Variants in PPP1R16B observed in about 807,000 individuals in gnomAD.
PPP1R16B encodes protein phosphatase 1 regulatory inhibitor subunit 16B.
Under a neutral mutation model 61.7 loss-of-function variants are expected in PPP1R16B, and 14 were observed. The ratio of observed to expected loss-of-function variants is 0.23; its 90% CI spans 0.15 to 0.35. The LOEUF is 0.35. Ranked by LOEUF, PPP1R16B falls within the 10% of genes least tolerant of loss-of-function variation. The pLI is 1.00. For missense variants in PPP1R16B, 547 were observed against 752.5 expected (o/e 0.73, Z 3.19); for synonymous variants, 266 against 305.3 (o/e 0.87, Z 1.34).
At chr20:38,849,586 A>C (rs1448479506) in intron 2 of PPP1R16B, among the ~76,000 whole-genome samples, 3 of 151,966 alleles carry the variant, frequency 2.0e-5, no homozygotes, top group Non-Finnish European at 4.4e-5. Flanking sequence ...CTGTTGACTC[A>C]TATTGAATTT....
At chr20:38,903,082 T>A (rs1473924720) in intron 6 of PPP1R16B, among the ~76,000 whole-genome samples, 1 of 152,146 alleles carries the variant, frequency 6.6e-6, no homozygotes, top group Non-Finnish European at 1.5e-5. Flanking sequence ...TGAGTTTGAG[T>A]TGTGATTGCA....
At chr20:38,830,826 G>A (rs1228056181) in intron 1 of PPP1R16B, among the ~76,000 whole-genome samples, 1 of 152,176 alleles carries the variant, frequency 6.6e-6, no homozygotes, top group Non-Finnish European at 1.5e-5. Context: ...TCCACACTTA[G>A]GGAAGCACTT....
At chr20:38,899,828 G>T (rs948314908) in intron 4 of PPP1R16B, among the ~76,000 whole-genome samples, 1 of 150,578 alleles carries the variant, frequency 6.6e-6, no homozygotes, top group Non-Finnish European at 1.5e-5. Flanking sequence ...CTCTAGTCTT[G>T]CTCTATCACC....
intron 3 of PPP1R16B, among the ~76,000 whole-genome samples, chr20:38,893,321 G>A (rs2085305395): frequency 1.3e-5 from 2 of 152,190 alleles, no homozygotes; most frequent in South Asian, 4.1e-4. Context: ...GGCACATTAA[G>A]AAGAGCTTCC....
intron 2 of PPP1R16B, among the ~76,000 whole-genome samples, chr20:38,879,325 G>A (rs2145751437): frequency 6.6e-6 from 1 of 152,272 alleles, no homozygotes; most frequent in East Asian, 1.9e-4. Flanking sequence ...CTTTGGTGGA[G>A]AAATCTTACA....
At chr20:38,883,254 G>A (rs1474472695) in intron 2 of PPP1R16B, among the ~76,000 whole-genome samples, 1 of 152,238 alleles carries the variant, frequency 6.6e-6, no homozygotes, top group African/African-American at 2.4e-5. Flanking sequence ...CCCAGAGGAG[G>A]AGCAGGAGCC....
At chr20:38,817,222 G>A (rs1199813291) in intron 1 of PPP1R16B, among the ~76,000 whole-genome samples, 2 of 152,186 alleles carry the variant, frequency 1.3e-5, no homozygotes, top group African/African-American at 4.8e-5. Context: ...AGAGTGGAAC[G>A]AAGACTGTTT....
At chr20:38,867,064 G>A (rs918042661) in intron 2 of PPP1R16B, among the ~76,000 whole-genome samples, 1 of 152,130 alleles carries the variant, frequency 6.6e-6, no homozygotes, top group Admixed American at 6.5e-5. Flanking sequence ...GTTCATCCAC[G>A]CTGTAGCATG....
chr20:38,864,650 G>A (rs2085077954), intron 2 of PPP1R16B, among the ~76,000 whole-genome samples: 1 of 152,120 alleles, frequency 6.6e-6, no homozygotes, highest in African/African-American at 2.4e-5. Flanking sequence ...ACCAGAGGTC[G>A]GACTTCATGT....
chr20:38,892,128 T>C (rs140129734), intron 3 of PPP1R16B, among the ~76,000 whole-genome samples: 28 of 152,336 alleles, frequency 1.8e-4, no homozygotes, highest in Non-Finnish European at 1.5e-4. Context: ...CAAGGCAGTC[T>C]TAACTGCTCT....
chr20:38,835,554 G>T (rs2084863888), intron 1 of PPP1R16B, among the ~76,000 whole-genome samples: 1 of 152,214 alleles, frequency 6.6e-6, no homozygotes, highest in African/African-American at 2.4e-5. Context: ...CACTTGAAAT[G>T]TGGATAGTGC....
chr20:38,906,957 T>A lies in PPP1R16B; in HGVS notation c.823-22T>A, dbSNP rs772845237. On this transcript the variant is annotated intron_variant, in intron 7 of 10. Coordinates refer to ENST00000299824, the MANE Select transcript of PPP1R16B (RefSeq NM_015568.4). ...TCTGAGCTCTGGGCAGGGGGACACA[T>A]GAGCTTCTTCCTGTGTTTCAGATGC... 10 of 1,605,074 alleles carry A rather than the reference T, an allele frequency of 6.2e-6. No homozygotes were observed. The East Asian group carries it at 2.2e-4, about 36-fold the overall frequency.
intron 2 of PPP1R16B, among the ~76,000 whole-genome samples, chr20:38,855,375 C>A (rs984235255): frequency 2.6e-5 from 4 of 151,464 alleles, no homozygotes; most frequent in Non-Finnish European, 5.9e-5. Context: ...AAAAACAAAA[C>A]CCTAGGATAC....
chr20:38,878,684 A>G (rs959496893), intron 2 of PPP1R16B, among the ~76,000 whole-genome samples: 5 of 152,212 alleles, frequency 3.3e-5, no homozygotes, highest in African/African-American at 9.7e-5. Context: ...GATCTGGGAT[A>G]ATACATGTAA....
At chr20:38,896,120 TTTCTTCCCTTCCTCCCTCCTTTC>T (rs1230728927) in intron 4 of PPP1R16B, among the ~76,000 whole-genome samples, 11,674 of 111,446 alleles carry the variant, frequency 0.1, 917 homozygotes, top group East Asian at 0.24. Context: ...CCCTTCCTTC[TTTCTTCCCTTCCTCCCTCCTTTC>T]CTTCTTTCTT....
At chr20:38,810,733 T>G (rs765083664) in intron 1 of PPP1R16B, among the ~76,000 whole-genome samples, 10 of 152,172 alleles carry the variant, frequency 6.6e-5, no homozygotes, top group African/African-American at 1.4e-4. Context: ...CATTGAATTC[T>G]CATACCAATC....
At chr20:38,879,223 G>C (rs902655789) in intron 2 of PPP1R16B, among the ~76,000 whole-genome samples, 1 of 152,146 alleles carries the variant, frequency 6.6e-6, no homozygotes, top group Non-Finnish European at 1.5e-5. Context: ...CTTGCCTTCA[G>C]TCTCTGAGAT....
At chr20:38,820,194 G>T (rs1363936437) in intron 1 of PPP1R16B, among the ~76,000 whole-genome samples, 1 of 152,140 alleles carries the variant, frequency 6.6e-6, no homozygotes, top group Non-Finnish European at 1.5e-5. Flanking sequence ...GGCATTTTGG[G>T]TTGTTTATAC....
intron 1 of PPP1R16B, among the ~76,000 whole-genome samples, chr20:38,814,599 G>A (rs2084723523): frequency 6.6e-6 from 1 of 152,172 alleles, no homozygotes; most frequent in Non-Finnish European, 1.5e-5. Context: ...ATTAGAGTTA[G>A]TCCCTAGGAG....
Sources: gnomAD v4.1 joint callset for allele counts (sites outside exome capture counted in the v4.1 genomes callset) on GRCh38, gnomAD v4.1.1 for gene constraint, MANE v1.5 for transcripts, NCBI Gene and HGNC (gene_info 2026-07-23, HGNC 2026-07-21) for gene names.